Variants in ASAP2 observed in about 807,000 individuals in gnomAD.
The protein encoded by ASAP2 is ArfGAP with SH3 domain, ankyrin repeat and PH domain 2.
ASAP2 carries 45 observed loss-of-function variants against 131.4 expected under a neutral mutation model. The observed-to-expected ratio is 0.34, with a 90% CI of 0.27 to 0.44. The LOEUF (loss-of-function observed/expected upper bound fraction) is 0.44. Ranked by LOEUF, ASAP2 falls within the 20% of genes least tolerant of loss-of-function variation. The probability of loss-of-function intolerance (pLI) is 1.00; values close to 1 mark genes in which losing one functional copy is unlikely to be tolerated. For synonymous variants in ASAP2, 510 were observed against 503.0 expected, an observed-to-expected ratio of 1.01 and a Z score of -0.19; for missense variants, 1,011 against 1,297.0, an observed-to-expected ratio of 0.78 and a Z score of 3.39.
At chr2:9,321,782 G>A (rs951364907) in intron 5 of ASAP2, among the ~76,000 whole-genome samples, 4 of 152,156 alleles carry the variant, frequency 2.6e-5, no homozygotes, top group African/African-American at 9.7e-5. Flanking sequence ...CTGTAAAATC[G>A]AGACACACAT....
chr2:9,316,840 G>A (rs971885821), intron 3 of ASAP2, among the ~76,000 whole-genome samples: 1 of 151,854 alleles, frequency 6.6e-6, no homozygotes, highest in Non-Finnish European at 1.5e-5. Flanking sequence ...CTTGCTTCAG[G>A]GAGAAGAATG....
intron 24 of ASAP2, chr2:9,399,612 A>G (rs1205780119): frequency 4.4e-6 from 1 of 225,344 alleles, no homozygotes; most frequent in Non-Finnish European, 8.8e-6. Flanking sequence ...GACAGCGCTG[A>G]CCCAGAGTGC....
chr2:9,352,430 C>T (rs1019577510), intron 12 of ASAP2, among the ~76,000 whole-genome samples: 3 of 152,216 alleles, frequency 2.0e-5, no homozygotes, highest in Non-Finnish European at 2.9e-5. Context: ...AAATGCCCAT[C>T]CTTAACTCAT....
At position 9,374,611 on chromosome 2, in the gene ASAP2, G is replaced by A. The variant is rs1402435097; in HGVS notation, c.1557-144G>A. 1.7e-5 allele frequency: 12 copies of A among 725,062 alleles called. 1 individual carries two copies. The highest frequency in any genetic ancestry group is 5.9e-5 in the South Asian group (3 of 50,486). 44.9% of individuals were successfully genotyped at this position (725,062 alleles called of 1,614,324 possible). A position where few individuals can be genotyped will look rare whatever the true frequency, so the allele number is the denominator to read the frequency against. Reference sequence around the variant, plus strand: ...CAGTGCAGCCGTAGAACCACATGGCGGCCACTCCCGCTTTGTGTTTCGGGG... The same window carrying A: ...CAGTGCAGCCGTAGAACCACATGGCAGCCACTCCCGCTTTGTGTTTCGGGG... On this transcript the variant is annotated intron_variant, in intron 16 of 27. Transcript: ENST00000281419.
intron 1 of ASAP2, among the ~76,000 whole-genome samples, chr2:9,219,653 CTTAT>C (rs959051158): frequency 6.6e-6 from 1 of 152,056 alleles, no homozygotes; most frequent in African/African-American, 2.4e-5. Flanking sequence ...TCCTGAGAAA[CTTAT>C]TTCTTATTGT....
intron 7 of ASAP2, among the ~76,000 whole-genome samples, chr2:9,329,369 T>G (rs938711356): frequency 6.6e-6 from 1 of 152,138 alleles, no homozygotes; most frequent in Admixed American, 6.5e-5. Flanking sequence ...CAGGCGCTAT[T>G]AGGGGTTTTG....
intron 11 of ASAP2, among the ~76,000 whole-genome samples, chr2:9,348,289 G>C (rs1486914038): frequency 6.7e-6 from 1 of 150,310 alleles, no homozygotes; most frequent in Non-Finnish European, 1.5e-5. Flanking sequence ...GCTAATTTTT[G>C]TATTTTTAGT....
chr2:9,233,082 G>A (rs1663280360), intron 1 of ASAP2, among the ~76,000 whole-genome samples: 1 of 152,202 alleles, frequency 6.6e-6, no homozygotes, highest in Non-Finnish European at 1.5e-5. Context: ...TGGGACCAAA[G>A]TAGTTTTGTG....
intron 2 of ASAP2, among the ~76,000 whole-genome samples, chr2:9,289,013 T>C (rs1488345072): frequency 2.6e-5 from 4 of 152,234 alleles, no homozygotes. Context: ...AATGTACTCC[T>C]TTCCCCATAG....
At chr2:9,369,818 T>C (rs958366998) in intron 16 of ASAP2, among the ~76,000 whole-genome samples, 20 of 152,058 alleles carry the variant, frequency 1.3e-4, no homozygotes. Context: ...AAATAGGTGG[T>C]AGTGTATGGA....
At chr2:9,219,426 G>C (rs936280866) in intron 1 of ASAP2, among the ~76,000 whole-genome samples, 2 of 152,154 alleles carry the variant, frequency 1.3e-5, no homozygotes, top group Non-Finnish European at 2.9e-5. Flanking sequence ...TGTAACATGA[G>C]AGATTTGGAC....
chr2:9,209,735 A>T (rs11682729), intron 1 of ASAP2, among the ~76,000 whole-genome samples: 7,097 of 152,224 alleles, frequency 0.047, 194 homozygotes, highest in African/African-American at 0.073. Context: ...ATGCACAGCT[A>T]ATTTTTTGTA....
intron 11 of ASAP2, among the ~76,000 whole-genome samples, chr2:9,345,586 G>T (rs778985384): frequency 5.3e-5 from 8 of 152,212 alleles, no homozygotes; most frequent in Non-Finnish European, 7.4e-5. Context: ...TCTCAAGGCC[G>T]AGGTCGTTGC....
Position 9,359,652 on chromosome 2 carries a change from A to G in ASAP2, c.1461+763A>G, listed in dbSNP as rs78838506. On this transcript the variant is annotated intron_variant, in intron 15 of 27. Transcript: ENST00000281419. ...TTTAATGTTGAATTTAAAAGTTTAC[A>G]TGTAGGGAATTTAACGTCAAGAGCA... Among the ~76,000 whole-genome samples, 1,274 of 152,358 alleles carry G rather than the reference A, an allele frequency of 8.4e-3. 18 individuals are homozygous for G. The highest frequency in any genetic ancestry group is 0.029 in the African/African-American group (1,209 of 41,578).
At chr2:9,239,000 A>G (rs1663752136) in intron 1 of ASAP2, among the ~76,000 whole-genome samples, 1 of 152,170 alleles carries the variant, frequency 6.6e-6, no homozygotes, top group South Asian at 2.1e-4. Flanking sequence ...GTAGAGAAAG[A>G]GTGGCCTCCT....
intron 21 of ASAP2, among the ~76,000 whole-genome samples, chr2:9,388,074 C>G (rs1675423813): frequency 6.6e-6 from 1 of 152,148 alleles, no homozygotes; most frequent in East Asian, 1.9e-4. Flanking sequence ...AAAGCCAAAC[C>G]ATATCAGTGT....
At chr2:9,208,078 G>A (rs1186240210) in intron 1 of ASAP2, among the ~76,000 whole-genome samples, 1 of 152,148 alleles carries the variant, frequency 6.6e-6, no homozygotes, top group Admixed American at 6.5e-5. Context: ...AGGGGCCACC[G>A]TTGGCTGTGG....
intron 1 of ASAP2, among the ~76,000 whole-genome samples, chr2:9,228,060 G>A (rs1662903630): frequency 1.3e-5 from 2 of 152,138 alleles, no homozygotes; most frequent in South Asian, 4.1e-4. Context: ...CATTATGAGT[G>A]TATCTATAAT....
At chr2:9,369,777 C>T (rs1360737803) in intron 16 of ASAP2, among the ~76,000 whole-genome samples, 1 of 152,226 alleles carries the variant, frequency 6.6e-6, no homozygotes, top group African/African-American at 2.4e-5. Flanking sequence ...CAGTGAGCAA[C>T]AGTGAACAAT....
Sources: allele counts gnomAD v4.1 joint callset (sites outside exome capture counted in the v4.1 genomes callset), GRCh38; gene constraint gnomAD v4.1.1; transcripts MANE v1.5; gene names NCBI Gene and HGNC (gene_info 2026-07-23, HGNC 2026-07-21).